Variants in PRR16 observed in about 807,000 individuals in gnomAD.
The protein encoded by PRR16 is proline rich 16, also known as protein Largen.
A neutral mutation model predicts 18.2 loss-of-function variants in PRR16; 6 were observed. The ratio of observed to expected loss-of-function variants is 0.33; its 90% CI spans 0.18 to 0.65. The LOEUF is 0.65. Ranked by LOEUF, PRR16 falls within the 30% of genes least tolerant of loss-of-function variation. The pLI is 0.74. For missense variants in PRR16, 412 were observed against 376.6 expected (o/e 1.09, Z -0.78); for synonymous variants, 151 against 147.8 (o/e 1.02, Z -0.16).
At chr5:120,671,113 A>G (rs535692555) in intron 1 of PRR16, among the ~76,000 whole-genome samples, 33 of 152,068 alleles carry the variant, frequency 2.2e-4, no homozygotes, top group Non-Finnish European at 4.4e-4. Context: ...AAATGTGCAC[A>G]TATACACACA....
intron 1 of PRR16, among the ~76,000 whole-genome samples, chr5:120,497,534 T>A (rs1229965313): frequency 1.3e-5 from 2 of 151,308 alleles, no homozygotes; most frequent in East Asian, 3.9e-4. Flanking sequence ...GGATTACAGG[T>A]GCACACCACC....
intron 1 of PRR16, among the ~76,000 whole-genome samples, chr5:120,526,403 C>T (rs1215626876): frequency 1.3e-5 from 2 of 152,084 alleles, no homozygotes; most frequent in Non-Finnish European, 2.9e-5. Context: ...TAATTGCATG[C>T]CATTTCTTTC....
intron 1 of PRR16, among the ~76,000 whole-genome samples, chr5:120,630,844 C>A (rs969329894): frequency 6.6e-6 from 1 of 152,114 alleles, no homozygotes; most frequent in Non-Finnish European, 1.5e-5. Flanking sequence ...TCGTTCCTTG[C>A]CCTTGGAAAG....
intron 1 of PRR16, among the ~76,000 whole-genome samples, chr5:120,480,817 C>T (rs2112810185): frequency 6.6e-6 from 1 of 152,298 alleles, no homozygotes. Context: ...CCATTATTTA[C>T]TGAGCTGAAA....
chr5:120,614,614 T>C (rs546277287), intron 1 of PRR16, among the ~76,000 whole-genome samples: 11 of 152,342 alleles, frequency 7.2e-5, no homozygotes, highest in Admixed American at 3.9e-4. Context: ...GTGTCTAATA[T>C]ACATGAGAGG....
chr5:120,553,159 A>G (rs10076191), intron 1 of PRR16, among the ~76,000 whole-genome samples: 29,179 of 151,804 alleles, frequency 0.19, 2,968 homozygotes, highest in Non-Finnish European at 0.21. Context: ...AAAAGCAGTG[A>G]TGACCAGAGT....
chr5:120,761,196 A>G, the PRR16 span, among the ~76,000 whole-genome samples: 4 of 152,008 alleles, frequency 2.6e-5, no homozygotes, highest in Non-Finnish European at 4.4e-5. Flanking sequence ...ATTAATCTCT[A>G]TGCATGGTTC....
chr5:120,495,566 A>C (rs1483980450), intron 1 of PRR16, among the ~76,000 whole-genome samples: 2 of 152,048 alleles, frequency 1.3e-5, no homozygotes, highest in Non-Finnish European at 2.9e-5. Context: ...ACTTTGTGGA[A>C]TTTCTTTCCA....
chr5:120,670,064 G>A (rs574845489), intron 1 of PRR16, among the ~76,000 whole-genome samples: 10 of 152,242 alleles, frequency 6.6e-5, no homozygotes, highest in South Asian at 4.1e-4. Flanking sequence ...TGTAGGTGAT[G>A]TAGGCAAATT....
At chr5:120,469,208 C>T (rs1388875395) in intron 1 of PRR16, among the ~76,000 whole-genome samples, 10 of 152,222 alleles carry the variant, frequency 6.6e-5, no homozygotes, top group African/African-American at 2.4e-4. Flanking sequence ...AATGTCTTAA[C>T]CACTTGATGT....
chr5:120,552,950 G>A (rs1291595663), intron 1 of PRR16, among the ~76,000 whole-genome samples: 1 of 151,820 alleles, frequency 6.6e-6, no homozygotes, highest in African/African-American at 2.4e-5. Context: ...CCAGTTATAT[G>A]ATCTTCACTA....
chr5:120,780,582 A>T, the PRR16 span, among the ~76,000 whole-genome samples: 4 of 152,174 alleles, frequency 2.6e-5, no homozygotes, highest in Non-Finnish European at 4.4e-5. Context: ...AATGTATATA[A>T]TAATATTACA....
the PRR16 span, among the ~76,000 whole-genome samples, chr5:120,778,393 C>G: frequency 1.2e-3 from 186 of 152,228 alleles, no homozygotes; most frequent in African/African-American, 4.4e-3. Flanking sequence ...TATCCTTAAT[C>G]TTACATTATT....
chr5:120,565,867 C>A, intron 1 of PRR16, among the ~76,000 whole-genome samples: 1 of 152,130 alleles, frequency 6.6e-6, no homozygotes, highest in East Asian at 1.9e-4. Flanking sequence ...TGCATTCTTT[C>A]TGTCACAGTA....
intron 1 of PRR16, among the ~76,000 whole-genome samples, chr5:120,482,187 G>T (rs753626475): frequency 1.8e-4 from 27 of 152,138 alleles, no homozygotes; most frequent in Non-Finnish European, 3.2e-4. Flanking sequence ...TTTAACATGG[G>T]TATATTGTGT....
chr5:120,754,147 T>TATATAAATATATAAC, the PRR16 span, among the ~76,000 whole-genome samples: 1 of 36,316 alleles, frequency 2.8e-5, no homozygotes, highest in East Asian at 1.2e-3. Flanking sequence ...TAATATATAA[T>TATATAAATATATAAC]ATATAAATAT....
At chr5:120,705,078 T>TA in the PRR16 span, among the ~76,000 whole-genome samples, 26,008 of 146,996 alleles carry the variant, frequency 0.18, 3,340 homozygotes, top group African/African-American at 0.37. Context: ...ATGTCCATTG[T>TA]AAAAAAAAAA....
chr5:120,702,021 G>C, the PRR16 span, among the ~76,000 whole-genome samples: 1 of 152,042 alleles, frequency 6.6e-6, no homozygotes, highest in Non-Finnish European at 1.5e-5. Context: ...AAGTTTTTGA[G>C]AACACAGGCC....
At chr5:120,783,855 T>C in the PRR16 span, among the ~76,000 whole-genome samples, 1 of 152,066 alleles carries the variant, frequency 6.6e-6, no homozygotes, top group African/African-American at 2.4e-5. Flanking sequence ...TACCAACCCC[T>C]TTTTCCCCCC....
Sources: gnomAD v4.1 joint callset for allele counts (sites outside exome capture counted in the v4.1 genomes callset) on GRCh38, gnomAD v4.1.1 for gene constraint, MANE v1.5 for transcripts, NCBI Gene and HGNC (gene_info 2026-07-23, HGNC 2026-07-21) for gene names.